PCSK2: variants seen among roughly 807,000 people sequenced by gnomAD.
The protein encoded by PCSK2 is proprotein convertase subtilisin/kexin type 2.
PCSK2 carries 14 observed loss-of-function variants against 69.7 expected under a neutral mutation model. The observed-to-expected ratio is 0.20, with a 90% CI of 0.13 to 0.31. The LOEUF is 0.31. Among genes scored for constraint, PCSK2 ranks in the 10% least tolerant of loss-of-function variants. The pLI is 1.00. For synonymous variants in PCSK2, 307 were observed against 320.7 expected, an observed-to-expected ratio of 0.96 and a Z score of 0.46; for missense variants, 544 against 842.5, an observed-to-expected ratio of 0.65 and a Z score of 4.39.
At chr20:17,254,014 T>C (rs1050597416) in intron 1 of PCSK2, among the ~76,000 whole-genome samples, 1 of 152,222 alleles carries the variant, frequency 6.6e-6, no homozygotes, top group Admixed American at 6.5e-5. Context: ...TTTTACTTCT[T>C]CTTTGAAGAA....
chr20:17,226,808 C>T (rs900813884), upstream of PCSK2, among the ~76,000 whole-genome samples: 1 of 135,934 alleles, frequency 7.4e-6, no homozygotes, highest in African/African-American at 2.7e-5. Context: ...CGCTGCGCTG[C>T]GCTGCGCTGC....
At chr20:17,478,905 T>C (rs1342126277) in intron 11 of PCSK2, among the ~76,000 whole-genome samples, 3 of 152,266 alleles carry the variant, frequency 2.0e-5, no homozygotes, top group Admixed American at 1.3e-4. Flanking sequence ...TGATGCTGTA[T>C]AGAATATGAG....
intron 6 of PCSK2, among the ~76,000 whole-genome samples, chr20:17,410,699 A>G (rs1469842709): frequency 2.6e-5 from 4 of 152,198 alleles, no homozygotes; most frequent in Non-Finnish European, 5.9e-5. Context: ...TATCTCTGTG[A>G]CTTCTAACCC....
chr20:17,433,813 C>CTCTCTCTCTCTCTCTCTCT (rs59651477), intron 7 of PCSK2, among the ~76,000 whole-genome samples: 2 of 98,650 alleles, frequency 2.0e-5, no homozygotes, highest in African/African-American at 8.8e-5. Context: ...CTCTCTCTCT[C>CTCTCTCTCTCTCTCTCTCT]CCCCCACTTC....
rs576539464 is a variant in PCSK2, at chr20:17,471,436, G to A, written c.1430+5883G>A. ...GGGCCTCCCAATGGACTGGGCCCTC[G>A]TCTGTCATATTCATGGTGTAACCCT... On this transcript the variant is annotated intron_variant, in intron 11 of 11. Transcript: ENST00000262545. 5.9e-5 allele frequency among the ~76,000 whole-genome samples: 9 copies of A among 152,294 alleles called. No individual in the cohort carries two copies. In the South Asian group the frequency reaches 6.2e-4, roughly 11 times the overall value.
chr20:17,232,839 G>T (rs371187956), intron 1 of PCSK2, among the ~76,000 whole-genome samples: 1 of 152,204 alleles, frequency 6.6e-6, no homozygotes, highest in Admixed American at 6.5e-5. Context: ...TTCCCTGAAA[G>T]ATTTCAATCT....
At chr20:17,427,722 C>T (rs1354504288) in intron 6 of PCSK2, among the ~76,000 whole-genome samples, 2 of 152,208 alleles carry the variant, frequency 1.3e-5, no homozygotes, top group African/African-American at 4.8e-5. Context: ...CCTTGTCTCC[C>T]TGGTCAGCTG....
intron 6 of PCSK2, among the ~76,000 whole-genome samples, chr20:17,416,286 G>A (rs1409435858): frequency 1.3e-5 from 2 of 152,038 alleles, no homozygotes; most frequent in African/African-American, 2.4e-5. Context: ...TCTGACAAAG[G>A]GCTAATATCC....
At chr20:17,430,685 C>G (rs1194320427) in intron 7 of PCSK2, among the ~76,000 whole-genome samples, 1 of 152,080 alleles carries the variant, frequency 6.6e-6, no homozygotes, top group African/African-American at 2.4e-5. Context: ...ATGTCAGGAG[C>G]CATTATGAGC....
intron 1 of PCSK2, among the ~76,000 whole-genome samples, chr20:17,239,889 C>T (rs1017998732): frequency 8.9e-6 from 1 of 112,928 alleles, no homozygotes; most frequent in South Asian, 3.2e-4. Flanking sequence ...AAGTCTCACT[C>T]TGTTGCCAGG....
intron 11 of PCSK2, among the ~76,000 whole-genome samples, chr20:17,473,792 G>A (rs1050388101): frequency 2.0e-5 from 3 of 152,156 alleles, no homozygotes; most frequent in African/African-American, 7.2e-5. Flanking sequence ...CAAGTTCGCT[G>A]CCTCTGGAAT....
intron 2 of PCSK2, among the ~76,000 whole-genome samples, chr20:17,295,435 A>G (rs1384163043): frequency 2.0e-5 from 3 of 151,566 alleles, no homozygotes; most frequent in Non-Finnish European, 4.4e-5. Context: ...TCAAGTTGCT[A>G]CTTCTACAGA....
chr20:17,255,214 C>A (rs1987130116), intron 1 of PCSK2, among the ~76,000 whole-genome samples: 1 of 152,212 alleles, frequency 6.6e-6, no homozygotes, highest in Non-Finnish European at 1.5e-5. Context: ...ATGGAAGTGG[C>A]AAGAGCAGAT....
intron 4 of PCSK2, among the ~76,000 whole-genome samples, chr20:17,363,528 C>T (rs2030476137): frequency 6.6e-6 from 1 of 152,144 alleles, no homozygotes; most frequent in South Asian, 2.1e-4. Flanking sequence ...GGGAACTTGA[C>T]CTGGAAAATG....
chr20:17,405,053 G>A (rs779315165), intron 5 of PCSK2, among the ~76,000 whole-genome samples: 2 of 152,218 alleles, frequency 1.3e-5, no homozygotes, highest in Non-Finnish European at 2.9e-5. Context: ...GAAGTCAGGT[G>A]AGGCATTGCC....
intron 2 of PCSK2, among the ~76,000 whole-genome samples, chr20:17,294,645 G>A (rs2123073465): frequency 6.6e-6 from 1 of 152,248 alleles, no homozygotes; most frequent in East Asian, 1.9e-4. Context: ...TACCTGGGAA[G>A]CTCCATTTGA....
intron 2 of PCSK2, among the ~76,000 whole-genome samples, chr20:17,347,956 GAAAGAGAAAGAAAGAA>G (rs1394894899): frequency 1.9e-4 from 15 of 77,278 alleles, no homozygotes; most frequent in South Asian, 8.3e-4. Flanking sequence ...AAGAAAGAAA[GAAAGAGAAAGAAAGAA>G]AGAAAGAAAG....
At chr20:17,243,909 C>A (rs1439051963) in intron 1 of PCSK2, among the ~76,000 whole-genome samples, 1 of 152,094 alleles carries the variant, frequency 6.6e-6, no homozygotes, top group Non-Finnish European at 1.5e-5. Context: ...AAAGAAATGA[C>A]AACCACATGC....
chr20:17,348,205 C>T (rs1389668130), intron 2 of PCSK2, among the ~76,000 whole-genome samples: 1 of 152,156 alleles, frequency 6.6e-6, no homozygotes, highest in Non-Finnish European at 1.5e-5. Flanking sequence ...GCATTTAGGA[C>T]ACACTTAGGA....
Sources: allele counts gnomAD v4.1 joint callset (sites outside exome capture counted in the v4.1 genomes callset), GRCh38; gene constraint gnomAD v4.1.1; transcripts MANE v1.5; gene names NCBI Gene and HGNC (gene_info 2026-07-23, HGNC 2026-07-21).